Variants in MYO1H observed in about 807,000 individuals in gnomAD.
MYO1H encodes the protein myosin IH.
A neutral mutation model predicts 149.3 loss-of-function variants in MYO1H; 118 were observed. The ratio of observed to expected loss-of-function variants is 0.79; its 90% CI spans 0.68 to 0.92. MYO1H has a LOEUF of 0.92. Among genes scored for constraint, MYO1H ranks in the 40% least tolerant of loss-of-function variants. MYO1H has a pLI of 0.00. For synonymous variants in MYO1H, 447 were observed against 465.2 expected, an observed-to-expected ratio of 0.96 and a Z score of 0.50; for missense variants, 1,212 against 1,280.7, an observed-to-expected ratio of 0.95 and a Z score of 0.82.
At chr12:109,437,804 C>T (rs1306065446) in intron 22 of MYO1H, among the ~76,000 whole-genome samples, 7 of 151,972 alleles carry the variant, frequency 4.6e-5, no homozygotes, top group Admixed American at 1.3e-4. Context: ...AATTGGGAAA[C>T]AGGCCAGGCA....
In MYO1H at chr12:109,363,594, C is replaced by T. The variant is rs540897770; in HGVS notation, c.12+15622C>T. 4.6e-5 allele frequency among the ~76,000 whole-genome samples: 7 copies of T among 152,156 alleles called. No homozygotes were observed. In the South Asian group the frequency reaches 1.5e-3, roughly 32 times the overall value. The stretch of plus-strand genomic sequence containing the variant: ...GCGTACGGTGGTGCATGCCTGTAAT[C>T]CCAGCTACTTGGGAGGCTGAGGCAG... On this transcript the variant is annotated intron_variant, in intron 1 of 31. Coordinates refer to ENST00000310903, the Ensembl canonical transcript of MYO1H.
intron 2 of MYO1H, among the ~76,000 whole-genome samples, chr12:109,389,599 T>C (rs1047627414): frequency 6.6e-6 from 1 of 152,224 alleles, no homozygotes; most frequent in Non-Finnish European, 1.5e-5. Flanking sequence ...AGATTGATCT[T>C]GTCACATCTA....
At chr12:109,444,481 T>G in exon 30 of MYO1H, 38 of 1,613,998 alleles carry the variant, frequency 2.4e-5, no homozygotes, top group Non-Finnish European at 3.1e-5. Context: ...GTTACTAAAC[T>G]CGTCATGCTG....
the MYO1H span, among the ~76,000 whole-genome samples, chr12:109,321,888 C>T: frequency 3.3e-5 from 5 of 152,062 alleles, no homozygotes; most frequent in African/African-American, 9.7e-5. Flanking sequence ...TTGCAGAACA[C>T]GATGTAATTA....
intron 15 of MYO1H, among the ~76,000 whole-genome samples, chr12:109,420,525 A>G (rs1177480668): frequency 6.6e-6 from 1 of 152,074 alleles, no homozygotes; most frequent in African/African-American, 2.4e-5. Context: ...GGAGGAATAG[A>G]GTGAAGGGGG....
the MYO1H span, among the ~76,000 whole-genome samples, chr12:109,332,913 A>C: frequency 6.6e-6 from 1 of 152,104 alleles, no homozygotes; most frequent in Non-Finnish European, 1.5e-5. Flanking sequence ...ATTTTTCTAC[A>C]CAAATGTTCC....
At chr12:109,410,354 C>T (rs1870614357) in intron 12 of MYO1H, among the ~76,000 whole-genome samples, 1 of 152,094 alleles carries the variant, frequency 6.6e-6, no homozygotes. Context: ...GTTGCCCAGG[C>T]TGGTCTCGAA....
intron 31 of MYO1H, chr12:109,446,203 GA>G (rs143261223): frequency 0.072 from 70,730 of 985,394 alleles, 2,599 homozygotes; most frequent in Non-Finnish European, 0.074. Context: ...ACGTTAGGGA[GA>G]AGTCTAGCCT....
the MYO1H span, among the ~76,000 whole-genome samples, chr12:109,311,191 A>G: frequency 6.6e-6 from 1 of 152,226 alleles, no homozygotes; most frequent in East Asian, 1.9e-4. Flanking sequence ...AGTTTTTAAA[A>G]TAAAAGGCAT....
At chr12:109,443,114 G>GTATATATGTGTACGTATATATGTGTGTA (rs762250854) in intron 27 of MYO1H, among the ~76,000 whole-genome samples, 1 of 12,236 alleles carries the variant, frequency 8.2e-5, no homozygotes. Context: ...GTATATGTGT[G>GTATATATGTGTACGTATATATGTGTGTA]TATATGTGTA....
chr12:109,319,368 CAGT>C, the MYO1H span, among the ~76,000 whole-genome samples: 1 of 152,042 alleles, frequency 6.6e-6, no homozygotes, highest in Non-Finnish European at 1.5e-5. Flanking sequence ...GAGATACACA[CAGT>C]AGTCAGACTC....
At chr12:109,410,589 TAGATTTTGAA>T (rs1287958829) in intron 12 of MYO1H, 89 bp from the exon 13 acceptor site, 1 of 749,614 alleles carries the variant, frequency 1.3e-6, no homozygotes, top group Non-Finnish European at 2.3e-6. Flanking sequence ...ATATAAAAAC[TAGATTTTGAA>T]AAAAGATGTT....
At chr12:109,367,965 C>T (rs180982636) in intron 1 of MYO1H, among the ~76,000 whole-genome samples, 51 of 152,174 alleles carry the variant, frequency 3.4e-4, no homozygotes, top group African/African-American at 9.6e-4. Flanking sequence ...ATGATGCTCC[C>T]GCTTCAGCCT....
At chr12:109,406,613 G>A (rs553292931) in intron 8 of MYO1H, among the ~76,000 whole-genome samples, 176 bp from the exon 9 acceptor site, 27 of 152,066 alleles carry the variant, frequency 1.8e-4, no homozygotes, top group African/African-American at 5.3e-4. Context: ...TTGTGCCACT[G>A]CACTCCAGCC....
the MYO1H span, among the ~76,000 whole-genome samples, chr12:109,341,285 A>G: frequency 2.0e-5 from 3 of 150,008 alleles, no homozygotes; most frequent in Admixed American, 6.7e-5. Flanking sequence ...AATATTGTCT[A>G]TGTCTGTTTC....
exon 10 of MYO1H, chr12:109,407,794 G>C (rs772033036): frequency 1.9e-6 from 3 of 1,613,394 alleles, no homozygotes; most frequent in Non-Finnish European, 2.5e-6. Flanking sequence ...TTCTTTTCAG[G>C]TGATCTGCCC....
At chr12:109,366,790 T>C (rs1868875178) in intron 1 of MYO1H, among the ~76,000 whole-genome samples, 1 of 152,232 alleles carries the variant, frequency 6.6e-6, no homozygotes, top group Non-Finnish European at 1.5e-5. Flanking sequence ...GGGTTGAATC[T>C]CAGCTCTGCC....
intron 22 of MYO1H, among the ~76,000 whole-genome samples, chr12:109,438,086 T>TAAAAAAAAAAAAAAAAAA (rs58487735): frequency 3.1e-5 from 3 of 96,902 alleles, no homozygotes; most frequent in Admixed American, 1.2e-4. Context: ...AGGCTCTGTC[T>TAAAAAAAAAAAAAAAAAA]AAAAAAAAAA....
chr12:109,411,631 C>A (rs1284913302), intron 13 of MYO1H, among the ~76,000 whole-genome samples: 1 of 150,970 alleles, frequency 6.6e-6, no homozygotes, highest in Non-Finnish European at 1.5e-5. Context: ...TGTGGAGTAT[C>A]CTTGGGAAGA....
Sources: gnomAD v4.1 joint callset for allele counts (sites outside exome capture counted in the v4.1 genomes callset) on GRCh38, gnomAD v4.1.1 for gene constraint, MANE v1.5 for transcripts, NCBI Gene and HGNC (gene_info 2026-07-23, HGNC 2026-07-21) for gene names.